PLEKHA7: variants seen among roughly 807,000 people sequenced by gnomAD.
The protein encoded by PLEKHA7 is pleckstrin homology domain-containing family A member 7.
In PLEKHA7, 104 loss-of-function variants were observed where a neutral mutation model predicts 170.0. That is an observed-to-expected ratio of 0.61 (90% CI 0.52 to 0.72). The LOEUF (loss-of-function observed/expected upper bound fraction) is 0.72, where lower values mean the gene tolerates loss of function less well. Among genes scored for constraint, PLEKHA7 ranks in the 30% least tolerant of loss-of-function variants. The probability of loss-of-function intolerance (pLI) is 0.00; values close to 1 mark genes in which losing one functional copy is unlikely to be tolerated. For missense variants in PLEKHA7, 1,615 were observed against 1,671.7 expected, an observed-to-expected ratio of 0.97 and a Z score of 0.59; for synonymous variants, 648 against 660.8, an observed-to-expected ratio of 0.98 and a Z score of 0.30.
intron 12 of PLEKHA7, among the ~76,000 whole-genome samples, chr11:16,813,719 C>T (rs1040357452): frequency 3.3e-5 from 5 of 152,132 alleles, no homozygotes; most frequent in Non-Finnish European, 5.9e-5. Flanking sequence ...AAATTTCCTG[C>T]AAGTTTGGTT....
At chr11:16,943,269 T>C (rs75665270) in intron 3 of PLEKHA7, among the ~76,000 whole-genome samples, 1 of 152,036 alleles carries the variant, frequency 6.6e-6, no homozygotes, top group Non-Finnish European at 1.5e-5. Flanking sequence ...TTTTTTTTTT[T>C]CTAGTATTAA....
At chr11:16,801,541 T>C in intron 16 of PLEKHA7, 127 bp downstream of exon 16, 1 of 1,198,488 alleles carries the variant, frequency 8.3e-7, no homozygotes, top group East Asian at 2.5e-5. Context: ...GTTCTGCTAC[T>C]GGAGAAGCTC....
chr11:16,837,316 CA>C (rs1382491237), intron 9 of PLEKHA7, among the ~76,000 whole-genome samples: 2 of 152,196 alleles, frequency 1.3e-5, no homozygotes, highest in African/African-American at 4.8e-5. Context: ...ACCCAAATCT[CA>C]GCTATCTAGA....
At chr11:16,878,875 C>T (rs1263616291) in intron 3 of PLEKHA7, among the ~76,000 whole-genome samples, 5 of 152,192 alleles carry the variant, frequency 3.3e-5, no homozygotes, top group Non-Finnish European at 7.3e-5. Context: ...ATTCTTACTG[C>T]CAGTGCAAGG....
intron 6 of PLEKHA7, among the ~76,000 whole-genome samples, chr11:16,853,162 A>G (rs932378972): frequency 2.0e-5 from 3 of 152,214 alleles, no homozygotes; most frequent in Admixed American, 1.3e-4. Context: ...CCTGGGCAAC[A>G]TAGTGATGCC....
At chr11:16,894,216 A>G (rs1303554238) in intron 3 of PLEKHA7, among the ~76,000 whole-genome samples, 2 of 152,188 alleles carry the variant, frequency 1.3e-5, no homozygotes, top group Non-Finnish European at 2.9e-5. Flanking sequence ...GACAGACTGG[A>G]CATCTAATCA....
intron 3 of PLEKHA7, among the ~76,000 whole-genome samples, chr11:17,012,170 A>G (rs1482212049): frequency 2.0e-5 from 3 of 152,138 alleles, no homozygotes; most frequent in Non-Finnish European, 4.4e-5. Context: ...CGTTCTAAAA[A>G]CACACACCAA....
intron 3 of PLEKHA7, among the ~76,000 whole-genome samples, chr11:16,934,796 G>A (rs759557729): frequency 6.6e-6 from 1 of 152,090 alleles, no homozygotes; most frequent in Non-Finnish European, 1.5e-5. Context: ...ATTAATAAAG[G>A]TTGTTTACTG....
chr11:16,851,413 A>C (rs1852944701), intron 7 of PLEKHA7, 122 bp from the exon 8 acceptor site: 3 of 521,156 alleles, frequency 5.8e-6, no homozygotes, highest in African/African-American at 2.0e-5. Flanking sequence ...TCCTCCCACA[A>C]CCCACACACA....
intron 3 of PLEKHA7, among the ~76,000 whole-genome samples, chr11:16,959,249 A>C (rs1474269075): frequency 6.6e-6 from 1 of 151,964 alleles, no homozygotes; most frequent in African/African-American, 2.4e-5. Context: ...GGTAGACCCC[A>C]GTGTCTGTTG....
chr11:17,011,284 C>G (rs1565206553), intron 3 of PLEKHA7, among the ~76,000 whole-genome samples: 1 of 152,174 alleles, frequency 6.6e-6, no homozygotes, highest in Non-Finnish European at 1.5e-5. Context: ...CCATCCCTCT[C>G]ACCTTCTTAG....
rs74420826 is a variant in PLEKHA7 at position 16,884,243 on chromosome 11, A to G, written c.222-13061T>C. ...ATGCATCAGAGACTTCAAATTCATGACCTGAAAACCAATTTGTCCCCCAAA... is the reference window on the plus strand; with the variant it reads ...ATGCATCAGAGACTTCAAATTCATGGCCTGAAAACCAATTTGTCCCCCAAA... On this transcript the variant is annotated intron_variant, in intron 3 of 26. Coordinates refer to ENST00000531066, the MANE Select transcript of PLEKHA7 (RefSeq NM_001329630.2). Among the ~76,000 whole-genome samples, 329 of 152,244 alleles carry G rather than the reference A, an allele frequency of 2.2e-3. 3 individuals carry two copies. Among genetic ancestry groups the G allele is most frequent in the East Asian group, 0.016 (81 of 5,180 alleles).
intron 3 of PLEKHA7, among the ~76,000 whole-genome samples, chr11:16,914,412 T>G (rs1351641471): frequency 1.3e-5 from 2 of 152,178 alleles, no homozygotes; most frequent in African/African-American, 4.8e-5. Context: ...CCGGTGACAC[T>G]CAATCTCGTA....
At chr11:16,889,755 C>G (rs1365088074) in intron 3 of PLEKHA7, among the ~76,000 whole-genome samples, 5 of 151,962 alleles carry the variant, frequency 3.3e-5, no homozygotes, top group African/African-American at 9.7e-5. Context: ...AGAAAACTTC[C>G]CTGGTCATGT....
intron 3 of PLEKHA7, among the ~76,000 whole-genome samples, chr11:16,961,360 C>T (rs994951001): frequency 6.6e-6 from 1 of 152,222 alleles, no homozygotes; most frequent in Non-Finnish European, 1.5e-5. Flanking sequence ...CTCAGCTCAT[C>T]GGAGAGTAAG....
intron 9 of PLEKHA7, among the ~76,000 whole-genome samples, chr11:16,840,298 T>C (rs968336719): frequency 3.9e-5 from 6 of 152,106 alleles, no homozygotes; most frequent in Admixed American, 6.6e-5. Context: ...TGGTGGCTCA[T>C]GCCTGTAATC....
intron 3 of PLEKHA7, among the ~76,000 whole-genome samples, chr11:16,981,438 G>A (rs7123383): frequency 0.21 from 32,082 of 151,974 alleles, 4,247 homozygotes; most frequent in East Asian, 0.39. Flanking sequence ...CCTGGTCCAC[G>A]GAAGAGAAGA....
intron 3 of PLEKHA7, among the ~76,000 whole-genome samples, chr11:16,982,602 A>G (rs1469185951): frequency 6.6e-6 from 1 of 152,192 alleles, no homozygotes; most frequent in Admixed American, 6.5e-5. Flanking sequence ...CTCTAGGCCA[A>G]TGTGAAACCC....
intron 3 of PLEKHA7, among the ~76,000 whole-genome samples, chr11:16,871,546 A>G (rs1314125169): frequency 6.6e-6 from 1 of 152,200 alleles, no homozygotes; most frequent in East Asian, 1.9e-4. Context: ...GAATGAAGGA[A>G]AGCAGATGAC....
Sources: allele counts gnomAD v4.1 joint callset (sites outside exome capture counted in the v4.1 genomes callset), GRCh38; gene constraint gnomAD v4.1.1; transcripts MANE v1.5; gene names NCBI Gene and HGNC (gene_info 2026-07-23, HGNC 2026-07-21).